Variants in PLAGL1 observed in about 807,000 individuals in gnomAD.
PLAGL1 encodes PLAG1 like zinc finger 1.
PLAGL1 carries 1 observed loss-of-function variant against 4.6 expected under a neutral mutation model. The ratio of observed to expected loss-of-function variants is 0.22; its 90% CI spans 0.08 to 1.03. The LOEUF (loss-of-function observed/expected upper bound fraction) is 1.03. Ranked by LOEUF, PLAGL1 falls within the 50% of genes least tolerant of loss-of-function variation. The pLI is 0.58. For missense variants in PLAGL1, 464 were observed against 570.4 expected (o/e 0.81, Z 1.90); for synonymous variants, 240 against 237.8 (o/e 1.01, Z -0.08).
intron 1 of PLAGL1, among the ~76,000 whole-genome samples, chr6:144,035,524 G>GA (rs1305865717): frequency 6.6e-6 from 1 of 152,214 alleles, no homozygotes; most frequent in African/African-American, 2.4e-5. Flanking sequence ...TGCCCAACCA[G>GA]ACTGAGGGTG....
rs1432737924 is a variant in PLAGL1 at position 143,989,204 on chromosome 6, G to C, written c.-583-4030C>G. On this transcript the variant is annotated intron_variant, in intron 1 of 7. Coordinates refer to ENST00000674357, the MANE Select transcript of PLAGL1 (RefSeq NM_001317162.2). The surrounding 1 kb of genome is among the most constrained non-coding windows in gnomAD (Gnocchi z 4.8). ...ACATTAAAAACGCACAGAAACAATA[G>C]AGTGGAAAGGCTACTACAGTAGAAA... Among the ~76,000 whole-genome samples the C allele has an allele frequency of 1.3e-5, 2 of 152,194 alleles. No homozygotes were observed. The highest frequency in any genetic ancestry group is 4.8e-5 in the African/African-American group (2 of 41,432).
chr6:143,954,994 A>C lies in PLAGL1; in HGVS notation c.-325+5475T>G, dbSNP rs938277087. Among the ~76,000 whole-genome samples the C allele has an allele frequency of 6.6e-6, 1 of 152,226 alleles. No individual in the cohort carries two copies. The highest frequency in any genetic ancestry group is 2.4e-5 in the African/African-American group (1 of 41,460). On this transcript the variant is annotated intron_variant, in intron 6 of 7. Transcript: ENST00000674357. This position sits in a 1 kb window ranked among gnomAD's most constrained non-coding sequence, Gnocchi z 5.1. ...GTGCCCAGCCAAAGGGAAAGAGACA[A>C]TATGCAAGACTGGAATCATGGACAG... is the stretch of plus-strand genomic sequence containing the variant.
chr6:143,987,137 G>A lies in PLAGL1; in HGVS notation c.-583-1963C>T, dbSNP rs994432965. On this transcript the variant is annotated intron_variant, in intron 1 of 7. Transcript: ENST00000674357. ...AAATTAAAATGCTTACATCTTACGA[G>A]ATTTCTAGAAATCACTATTAATTGA... Among the ~76,000 whole-genome samples the A allele has an allele frequency of 1.1e-4, 17 of 152,074 alleles. 1 individual carries two copies. Among genetic ancestry groups the A allele is most frequent in the African/African-American group, 3.4e-4 (14 of 41,384 alleles).
intron 1 of PLAGL1, among the ~76,000 whole-genome samples, chr6:144,023,415 G>C (rs750014784): frequency 2.6e-5 from 4 of 152,010 alleles, no homozygotes; most frequent in Admixed American, 6.6e-5. Context: ...TGCAGACAGC[G>C]ACAAAAGAAT....
rs370977690 is a variant in PLAGL1, at chr6:143,948,317, A to G, written c.-181T>C. The G allele has an allele frequency of 1.4e-4, 83 of 572,462 alleles. 1 individual carries two copies. Among genetic ancestry groups the G allele is most frequent in the East Asian group, 1.0e-3 (36 of 34,412 alleles). The allele number at this position is 572,462 out of a possible 1,614,324, so 35.5% of individuals were successfully genotyped here. ...AGACATGGACCTCTCAGCTGTCACT[A>G]GCTTTGCTTCCTGCTTTCACACATC... On this transcript the variant is annotated 5_prime_UTR_variant, in exon 7 of 8. It removes the in-frame stop codon of an upstream open reading frame in the 5' UTR. Coordinates refer to ENST00000674357, the MANE Select transcript of PLAGL1 (RefSeq NM_001317162.2). The surrounding 1 kb of genome is among the most constrained non-coding windows in gnomAD (Gnocchi z 6.0).
At chr6:144,040,941 C>A (rs57174808) in intron 1 of PLAGL1, among the ~76,000 whole-genome samples, 22,951 of 152,050 alleles carry the variant, frequency 0.15, 2,040 homozygotes, top group Admixed American at 0.25. Context: ...AAAGATAGCC[C>A]ACCTTGAATA....
At position 144,056,072 on chromosome 6, in the gene PLAGL1, C is replaced by G. The variant is rs1169389284; in HGVS notation, c.-151+8396G>C. 6.6e-6 allele frequency among the ~76,000 whole-genome samples: 1 copy of G among 152,018 alleles called. No homozygotes were observed. Among genetic ancestry groups the G allele is most frequent in the Non-Finnish European group, 1.5e-5 (1 of 67,986 alleles). ...TGACTCACTTTTCTTTCCCCTCATC[C>G]CTTTCTCCATCCCACCCCCACCTCT... is the stretch of plus-strand genomic sequence containing the variant. On this transcript the variant is annotated intron_variant, in intron 1 of 3. Coordinates refer to the PLAGL1 transcript ENST00000437412. This position sits in a 1 kb window ranked among gnomAD's most constrained non-coding sequence, Gnocchi z 4.7.
chr6:143,972,858 G>A lies in PLAGL1; in HGVS notation c.-543-3880C>T, dbSNP rs1289025451. On this transcript the variant is annotated intron_variant, in intron 2 of 7. Transcript: ENST00000674357. The surrounding 1 kb of genome is among the most constrained non-coding windows in gnomAD (Gnocchi z 6.8). ...ACTTCTGTGTTTAAAAAAAGAGGGC[G>A]GGTGGAGAATCAACTTCTACTTAAC... 2.0e-5 allele frequency among the ~76,000 whole-genome samples: 3 copies of A among 152,018 alleles called. No homozygotes were observed. Among genetic ancestry groups the A allele is most frequent in the East Asian group, 1.9e-4 (1 of 5,188 alleles).
rs1422340577 is a variant in PLAGL1, at chr6:143,998,320, AATTTT to A, written c.-584+9765_-584+9769del. ...TTTTACCATAAATGCTTCTGTTCAT[AATTTT>A]ATTTAATTATTTCTTCATTTTTAGC... On this transcript the variant is annotated intron_variant, in intron 1 of 7. Coordinates refer to ENST00000674357, the MANE Select transcript of PLAGL1 (RefSeq NM_001317162.2). Among the ~76,000 whole-genome samples the A allele has an allele frequency of 2.6e-5, 4 of 152,274 alleles. No individual in the cohort carries two copies. The South Asian group carries it at 8.3e-4, about 32-fold the overall frequency.
At position 143,962,644 on chromosome 6, in the gene PLAGL1, G is replaced by A. The variant is rs1378399006; in HGVS notation, c.-398-2102C>T. On this transcript the variant is annotated intron_variant, in intron 5 of 7. Transcript: ENST00000674357. The surrounding 1 kb of genome is among the most constrained non-coding windows in gnomAD (Gnocchi z 5.3). ...TTCTGAGAACAGCATTTAAGAACCC[G>A]TCTTTTTCTCTCTTAATGAACTGGT... 2.0e-5 allele frequency among the ~76,000 whole-genome samples: 3 copies of A among 152,188 alleles called. No homozygotes were observed. Among genetic ancestry groups the A allele is most frequent in the African/African-American group, 7.2e-5 (3 of 41,428 alleles).
Position 143,980,268 on chromosome 6 carries a change from G to T in PLAGL1, c.-544+4867C>A, listed in dbSNP as rs376126203. On this transcript the variant is annotated intron_variant, in intron 2 of 7. Coordinates refer to ENST00000674357, the MANE Select transcript of PLAGL1 (RefSeq NM_001317162.2). ...TATTGTTTTCATCAAATTTGGCAAG[G>T]CTTCAGCCATTATATCTTTATTTTC... 3.0e-4 allele frequency among the ~76,000 whole-genome samples: 46 copies of T among 152,020 alleles called. 1 individual carries two copies. In the South Asian group the frequency reaches 7.3e-3, roughly 24 times the overall value.
At chr6:144,035,328 G>A (rs1051181837) in intron 1 of PLAGL1, among the ~76,000 whole-genome samples, 6 of 152,186 alleles carry the variant, frequency 3.9e-5, no homozygotes, top group Non-Finnish European at 7.3e-5. Flanking sequence ...CCAAAGGCCC[G>A]AGAGCCCATG....
intron 1 of PLAGL1, chr6:144,037,326 C>T (rs1220188798): frequency 6.6e-6 from 1 of 152,644 alleles, no homozygotes; most frequent in Admixed American, 6.6e-5. Flanking sequence ...ATCTGTAATC[C>T]CAATATTTTG....
rs1798917587 is a variant in PLAGL1 at position 144,055,736 on chromosome 6, ACAGG to A, written c.-151+8728_-151+8731del. ...GTTGTCAGAGATATAAATCATAACT[ACAGG>A]TGCCTTTAGGAAAGTGAAAGCTACA... On this transcript the variant is annotated intron_variant, in intron 1 of 3. Transcript: ENST00000437412. This position sits in a 1 kb window ranked among gnomAD's most constrained non-coding sequence, Gnocchi z 5.0. 1.3e-5 allele frequency among the ~76,000 whole-genome samples: 2 copies of A among 152,330 alleles called. No individual in the cohort carries two copies. Among genetic ancestry groups the A allele is most frequent in the South Asian group, 4.1e-4 (2 of 4,824 alleles).
intron 1 of PLAGL1, among the ~76,000 whole-genome samples, chr6:144,057,486 G>A (rs912253415): frequency 5.9e-5 from 9 of 152,208 alleles, no homozygotes; most frequent in African/African-American, 2.2e-4. Context: ...CAGCACCCGT[G>A]CCACTGTGGC....
Position 144,056,977 on chromosome 6 carries a change from CA to C in PLAGL1, c.-151+7490del, listed in dbSNP as rs1799020072. Among the ~76,000 whole-genome samples the C allele has an allele frequency of 6.6e-6, 1 of 152,306 alleles. No homozygotes were observed. Among genetic ancestry groups the C allele is most frequent in the South Asian group, 2.1e-4 (1 of 4,828 alleles). Reference sequence around the variant, plus strand: ...TTCTTTTTAGTGCTAAATAATGTCCCATTGGCTGGATGAACCACAGTTTGTT... The same window carrying C: ...TTCTTTTTAGTGCTAAATAATGTCCCTTGGCTGGATGAACCACAGTTTGTT... On this transcript the variant is annotated intron_variant, in intron 1 of 3. Transcript: ENST00000437412. The surrounding 1 kb of genome is among the most constrained non-coding windows in gnomAD (Gnocchi z 4.7).
At position 143,948,814 on chromosome 6, in the gene PLAGL1, G is replaced by T. The variant is rs1780384852; in HGVS notation, c.-324-354C>A. 6.6e-6 allele frequency among the ~76,000 whole-genome samples: 1 copy of T among 151,648 alleles called. No homozygotes were observed. Among genetic ancestry groups the T allele is most frequent in the African/African-American group, 2.4e-5 (1 of 41,096 alleles). ...AACAAACAAAAACCTCCCTCCCTCA[G>T]TGTGTTCAAGTGTTTTTACTGGTCC... On this transcript the variant is annotated intron_variant, in intron 6 of 7. Transcript: ENST00000674357. The surrounding 1 kb of genome is among the most constrained non-coding windows in gnomAD (Gnocchi z 6.0).
chr6:143,965,453 G>A lies in PLAGL1; in HGVS notation c.-430-635C>T, dbSNP rs1180572249. ...AGGGACCCCATTTTTCTGCCAAATAGGCACACTATTAAATCTGATGGGCAT... is the reference window on the plus strand; with the variant it reads ...AGGGACCCCATTTTTCTGCCAAATAAGCACACTATTAAATCTGATGGGCAT... On this transcript the variant is annotated intron_variant, in intron 4 of 7. Transcript: ENST00000674357. This position sits in a 1 kb window ranked among gnomAD's most constrained non-coding sequence, Gnocchi z 7.5. 1 of 152,176 alleles carries A rather than the reference G, an allele frequency of 6.6e-6. No individual in the cohort carries two copies. Among genetic ancestry groups the A allele is most frequent in the South Asian group, 2.1e-4 (1 of 4,824 alleles). The allele number at this position is 152,176 out of a possible 1,614,324, so 9.4% of individuals were successfully genotyped here. A position where few individuals can be genotyped will look rare whatever the true frequency, so the allele number is the denominator to read the frequency against.
At position 144,064,149 on chromosome 6, in the gene PLAGL1, C is replaced by T. The variant is rs1015838963; in HGVS notation, c.-151+319G>A. On this transcript the variant is annotated intron_variant, in intron 1 of 3. Transcript: ENST00000437412. The surrounding 1 kb of genome is among the most constrained non-coding windows in gnomAD (Gnocchi z 6.8). ...CGCTAGGTGGCGGCTGTTCAGCTCC[C>T]ACGTCACCCGGCCCGCCCTCCGCCC... 6.6e-6 allele frequency among the ~76,000 whole-genome samples: 1 copy of T among 151,912 alleles called. No homozygotes were observed. Among genetic ancestry groups the T allele is most frequent in the Non-Finnish European group, 1.5e-5 (1 of 67,924 alleles).
Sources: allele counts gnomAD v4.1 joint callset (sites outside exome capture counted in the v4.1 genomes callset), GRCh38; gene constraint gnomAD v4.1.1; non-coding constraint Gnocchi (gnomAD v3.1); transcripts MANE v1.5; gene names NCBI Gene and HGNC (gene_info 2026-07-23, HGNC 2026-07-21).